Variants in CNTNAP2 observed in about 807,000 individuals in gnomAD.
The protein encoded by CNTNAP2 is contactin-associated protein-like 2.
A neutral mutation model predicts 155.2 loss-of-function variants in CNTNAP2; 98 were observed. That is an observed-to-expected ratio of 0.63 (90% CI 0.54 to 0.75). The LOEUF (loss-of-function observed/expected upper bound fraction) is 0.75, where lower values mean the gene tolerates loss of function less well. CNTNAP2 is among the 30% of genes least tolerant of loss of function. CNTNAP2 has a pLI of 0.00. For synonymous variants in CNTNAP2, 651 were observed against 631.2 expected (o/e 1.03, Z -0.47); for missense variants, 1,727 against 1,688.1 (o/e 1.02, Z -0.40).
chr7:147,863,279 G>C (rs529029631), intron 13 of CNTNAP2, among the ~76,000 whole-genome samples: 38 of 152,126 alleles, frequency 2.5e-4, no homozygotes, highest in African/African-American at 9.2e-4. Context: ...TTATGACTGC[G>C]TAGTATTCCA....
intron 15 of CNTNAP2, among the ~76,000 whole-genome samples, chr7:147,989,744 A>C (rs1801678362): frequency 6.6e-6 from 1 of 152,122 alleles, no homozygotes; most frequent in African/African-American, 2.4e-5. Context: ...CCACATAAGC[A>C]ATCTCTCATT....
intron 13 of CNTNAP2, among the ~76,000 whole-genome samples, chr7:147,660,303 C>G (rs1407261265): frequency 1.3e-5 from 2 of 152,158 alleles, no homozygotes; most frequent in Non-Finnish European, 2.9e-5. Flanking sequence ...CAACCTTTTC[C>G]TCCTACAGTT....
At chr7:147,010,767 A>G (rs1421740437) in intron 3 of CNTNAP2, among the ~76,000 whole-genome samples, 10 of 152,186 alleles carry the variant, frequency 6.6e-5, no homozygotes, top group African/African-American at 2.4e-4. Flanking sequence ...GGAAATCAAA[A>G]TATAGCAATC....
chr7:147,119,203 A>G (rs1220856699), intron 5 of CNTNAP2, among the ~76,000 whole-genome samples: 2 of 152,142 alleles, frequency 1.3e-5, no homozygotes, highest in South Asian at 2.1e-4. Flanking sequence ...CAAACTTTTC[A>G]TTTTTTATCC....
intron 3 of CNTNAP2, among the ~76,000 whole-genome samples, chr7:146,996,296 A>G (rs1798307081): frequency 6.6e-6 from 1 of 152,006 alleles, no homozygotes; most frequent in Non-Finnish European, 1.5e-5. Flanking sequence ...TGCATTGTAG[A>G]TGACTTTAAG....
intron 18 of CNTNAP2, among the ~76,000 whole-genome samples, chr7:148,185,017 A>G (rs1385531662): frequency 2.6e-5 from 4 of 152,222 alleles, no homozygotes; most frequent in Non-Finnish European, 5.9e-5. Context: ...ATCTTTCAAG[A>G]GCTGCTAGGA....
At chr7:148,012,472 G>A (rs1802098053) in intron 15 of CNTNAP2, among the ~76,000 whole-genome samples, 1 of 152,174 alleles carries the variant, frequency 6.6e-6, no homozygotes, top group Non-Finnish European at 1.5e-5. Flanking sequence ...ATAAGTTCTA[G>A]GGATCTGCTG....
chr7:147,760,047 A>T (rs529488947), intron 13 of CNTNAP2, among the ~76,000 whole-genome samples: 1 of 152,148 alleles, frequency 6.6e-6, no homozygotes, highest in Admixed American at 6.5e-5. Context: ...GTCCTCAGAG[A>T]AGACACGATG....
chr7:146,781,107 A>G (rs945981917), intron 2 of CNTNAP2, among the ~76,000 whole-genome samples: 4 of 151,948 alleles, frequency 2.6e-5, no homozygotes, highest in Non-Finnish European at 5.9e-5. Flanking sequence ...TGGCGCCTGT[A>G]GTCCCAGCTA....
chr7:148,109,905 G>A (rs7777016), intron 15 of CNTNAP2, among the ~76,000 whole-genome samples: 3 of 152,174 alleles, frequency 2.0e-5, no homozygotes, highest in African/African-American at 7.2e-5. Flanking sequence ...GGGTTCAGAT[G>A]CTGGACTAAT....
At chr7:147,692,852 A>T (rs1021214852) in intron 13 of CNTNAP2, among the ~76,000 whole-genome samples, 6 of 152,018 alleles carry the variant, frequency 3.9e-5, no homozygotes, top group Non-Finnish European at 7.4e-5. Flanking sequence ...ATTTTAATGA[A>T]GTCTAGCTTG....
intron 9 of CNTNAP2, among the ~76,000 whole-genome samples, chr7:147,328,248 A>G (rs1584876619): frequency 6.6e-6 from 1 of 152,338 alleles, no homozygotes; most frequent in South Asian, 2.1e-4. Context: ...TCCACGATAA[A>G]GAGGGAGAGA....
intron 5 of CNTNAP2, among the ~76,000 whole-genome samples, chr7:147,112,796 A>G (rs528944694): frequency 2.0e-5 from 3 of 152,240 alleles, no homozygotes; most frequent in South Asian, 4.1e-4. Flanking sequence ...GCATTTTTGC[A>G]TAGATGTTCA....
At chr7:147,774,740 A>G (rs1797531724) in intron 13 of CNTNAP2, among the ~76,000 whole-genome samples, 2 of 152,184 alleles carry the variant, frequency 1.3e-5, no homozygotes, top group African/African-American at 4.8e-5. Flanking sequence ...TGGACTTTCC[A>G]GTCTCCAGAA....
At chr7:147,515,213 A>G (rs1799097829) in intron 11 of CNTNAP2, among the ~76,000 whole-genome samples, 1 of 152,070 alleles carries the variant, frequency 6.6e-6, no homozygotes, top group African/African-American at 2.4e-5. Flanking sequence ...CCCAGATGTC[A>G]TCTTCTCTTG....
intron 1 of CNTNAP2, among the ~76,000 whole-genome samples, chr7:146,263,933 G>A (rs1799957218): frequency 6.6e-6 from 1 of 152,148 alleles, no homozygotes; most frequent in South Asian, 2.1e-4. Flanking sequence ...GAGAAAGTGA[G>A]ATACAGAAAT....
chr7:146,388,459 A>T (rs1795492446), intron 1 of CNTNAP2, among the ~76,000 whole-genome samples: 1 of 151,924 alleles, frequency 6.6e-6, no homozygotes, highest in Non-Finnish European at 1.5e-5. Flanking sequence ...TTGTGGGTAT[A>T]TAGTAGGTGT....
intron 12 of CNTNAP2, among the ~76,000 whole-genome samples, chr7:147,624,267 A>G (rs1794927776): frequency 6.6e-6 from 1 of 152,134 alleles, no homozygotes; most frequent in Non-Finnish European, 1.5e-5. Flanking sequence ...TGATCAGCTC[A>G]AGTTAAAAAA....
intron 11 of CNTNAP2, among the ~76,000 whole-genome samples, chr7:147,492,235 C>T (rs952586821): frequency 4.6e-5 from 7 of 152,178 alleles, no homozygotes; most frequent in Non-Finnish European, 1.0e-4. Context: ...CTCACATGCA[C>T]AGTTCACAAT....
Sources: gnomAD v4.1 joint callset for allele counts (sites outside exome capture counted in the v4.1 genomes callset) on GRCh38, gnomAD v4.1.1 for gene constraint, MANE v1.5 for transcripts, NCBI Gene and HGNC (gene_info 2026-07-23, HGNC 2026-07-21) for gene names.